The following NCKAP5 variants were observed in gnomAD, a reference collection of about 807,000 sequenced individuals.
NCKAP5 encodes the protein nck-associated protein 5.
A neutral mutation model predicts 167.0 loss-of-function variants in NCKAP5; 92 were observed. That is an observed-to-expected ratio of 0.55 (90% confidence interval 0.47 to 0.66). The LOEUF (loss-of-function observed/expected upper bound fraction) is 0.66, where lower values mean the gene tolerates loss of function less well. Among genes scored for constraint, NCKAP5 ranks in the 30% least tolerant of loss-of-function variants. NCKAP5 has a pLI of 0.00. For missense variants in NCKAP5, 2,378 were observed against 2,315.0 expected (o/e 1.03, Z -0.56); for synonymous variants, 891 against 877.4 (o/e 1.02, Z -0.27).
intron 11 of NCKAP5, among the ~76,000 whole-genome samples, chr2:132,800,193 C>T (rs1684916340): frequency 6.6e-6 from 1 of 152,218 alleles, no homozygotes; most frequent in South Asian, 2.1e-4. Context: ...TTAAGAAGGC[C>T]ATGACCTCTT....
chr2:132,886,527 T>C (rs1692234312), intron 8 of NCKAP5, among the ~76,000 whole-genome samples: 1 of 152,196 alleles, frequency 6.6e-6, no homozygotes, highest in African/African-American at 2.4e-5. Flanking sequence ...CAGGATCCAA[T>C]CCAGGTTCAC....
At chr2:132,674,977 C>T (rs987986589) in intron 19 of NCKAP5, among the ~76,000 whole-genome samples, 2 of 152,208 alleles carry the variant, frequency 1.3e-5, no homozygotes, top group Non-Finnish European at 1.5e-5. Context: ...CCCCTTTCAA[C>T]ACCATGCCAA....
At chr2:133,008,685 G>C (rs1349443222) in intron 6 of NCKAP5, among the ~76,000 whole-genome samples, 1 of 151,982 alleles carries the variant, frequency 6.6e-6, no homozygotes, top group Non-Finnish European at 1.5e-5. Flanking sequence ...TGATCTTTAG[G>C]AACACTGGAG....
intron 8 of NCKAP5, among the ~76,000 whole-genome samples, chr2:132,890,545 T>C (rs1012010463): frequency 6.6e-6 from 1 of 152,160 alleles, no homozygotes; most frequent in Non-Finnish European, 1.5e-5. Flanking sequence ...AAAAACATCC[T>C]GAGGAAAAAG....
intron 3 of NCKAP5, among the ~76,000 whole-genome samples, chr2:133,307,726 A>C (rs1163431013): frequency 6.6e-6 from 1 of 152,210 alleles, no homozygotes; most frequent in Non-Finnish European, 1.5e-5. Context: ...TACATCTTTT[A>C]ATTAAAAACT....
At chr2:132,905,364 C>A (rs1455798897) in intron 8 of NCKAP5, among the ~76,000 whole-genome samples, 1 of 152,112 alleles carries the variant, frequency 6.6e-6, no homozygotes, top group Non-Finnish European at 1.5e-5. Context: ...ACTGTAAGTT[C>A]ACATCGTTTC....
intron 5 of NCKAP5, among the ~76,000 whole-genome samples, chr2:133,158,307 G>C (rs1246469636): frequency 6.6e-6 from 1 of 152,146 alleles, no homozygotes; most frequent in Non-Finnish European, 1.5e-5. Flanking sequence ...ACAAACTGCT[G>C]CCTGCAGATA....
chr2:133,440,341 T>C (rs1256718872), intron 3 of NCKAP5, among the ~76,000 whole-genome samples: 2 of 152,110 alleles, frequency 1.3e-5, no homozygotes, highest in South Asian at 2.1e-4. Flanking sequence ...TTGTAGGACA[T>C]TTGTGCAGGG....
At chr2:133,445,914 AC>A (rs1018743867) in intron 3 of NCKAP5, among the ~76,000 whole-genome samples, 6 of 152,328 alleles carry the variant, frequency 3.9e-5, no homozygotes, top group African/African-American at 1.4e-4. Context: ...TTATTGCTGG[AC>A]CAAGGGATTT....
intron 12 of NCKAP5, among the ~76,000 whole-genome samples, chr2:132,793,321 G>A (rs1011601690): frequency 3.3e-5 from 5 of 152,140 alleles, no homozygotes; most frequent in Non-Finnish European, 7.4e-5. Context: ...ATGCCCTGAT[G>A]TGATGGCAGA....
chr2:133,375,697 G>A (rs1686096932), intron 3 of NCKAP5, among the ~76,000 whole-genome samples: 1 of 152,156 alleles, frequency 6.6e-6, no homozygotes, highest in Admixed American at 6.5e-5. Flanking sequence ...TGAGGTATGT[G>A]GCTTTTTGTT....
chr2:133,312,263 C>A (rs1336269396), intron 3 of NCKAP5, among the ~76,000 whole-genome samples: 1 of 152,146 alleles, frequency 6.6e-6, no homozygotes, highest in Non-Finnish European at 1.5e-5. Context: ...TATTTGGTAC[C>A]AAGGCAGTAG....
chr2:133,053,729 G>C (rs929580415), intron 6 of NCKAP5, among the ~76,000 whole-genome samples: 1 of 152,076 alleles, frequency 6.6e-6, no homozygotes, highest in Admixed American at 6.6e-5. Flanking sequence ...AGCAAGCTCC[G>C]GTTCCTGGTG....
At chr2:133,169,156 A>G (rs531752756) in intron 5 of NCKAP5, among the ~76,000 whole-genome samples, 1 of 152,246 alleles carries the variant, frequency 6.6e-6, no homozygotes, top group East Asian at 1.9e-4. Flanking sequence ...CTTCCAAACA[A>G]CTCTCAGCAA....
At chr2:133,548,983 C>A (rs892649861) in intron 2 of NCKAP5, among the ~76,000 whole-genome samples, 3 of 151,802 alleles carry the variant, frequency 2.0e-5, no homozygotes, top group African/African-American at 4.8e-5. Flanking sequence ...TCAGGAAACC[C>A]ATCTCACATG....
intron 3 of NCKAP5, among the ~76,000 whole-genome samples, chr2:133,407,077 C>T (rs1688486352): frequency 6.6e-6 from 1 of 152,222 alleles, no homozygotes; most frequent in South Asian, 2.1e-4. Flanking sequence ...GAGGTGACCT[C>T]ATACATGAGC....
chr2:132,995,871 G>A (rs1442014084), intron 6 of NCKAP5, among the ~76,000 whole-genome samples: 2 of 151,932 alleles, frequency 1.3e-5, no homozygotes, highest in African/African-American at 2.4e-5. Flanking sequence ...CTACTCCGGA[G>A]GCTGAGGCAC....
chr2:132,769,886 A>G (rs1681870928), intron 16 of NCKAP5, among the ~76,000 whole-genome samples: 1 of 152,242 alleles, frequency 6.6e-6, no homozygotes. Context: ...ACCAGAGGCC[A>G]CAAGCATGAG....
intron 7 of NCKAP5, among the ~76,000 whole-genome samples, chr2:132,985,217 A>G (rs2077256150): frequency 6.6e-6 from 1 of 152,154 alleles, no homozygotes; most frequent in South Asian, 2.1e-4. Context: ...TCTAATAGGA[A>G]AAGCATTCGT....
Sources: gnomAD v4.1 joint callset for allele counts (sites outside exome capture counted in the v4.1 genomes callset) on GRCh38, gnomAD v4.1.1 for gene constraint, MANE v1.5 for transcripts, NCBI Gene and HGNC (gene_info 2026-07-23, HGNC 2026-07-21) for gene names.